Variants in PBX3 observed in about 807,000 individuals in gnomAD.
PBX3 encodes pre-B-cell leukemia transcription factor 3.
In PBX3, 14 loss-of-function variants were observed where a neutral mutation model predicts 48.5. That is an observed-to-expected ratio of 0.29 (90% CI 0.19 to 0.45). The LOEUF is 0.45. Ranked by LOEUF, PBX3 falls within the 20% of genes least tolerant of loss-of-function variation. The pLI is 1.00. For missense variants in PBX3, 386 were observed against 546.7 expected, an observed-to-expected ratio of 0.71 and a Z score of 2.93; for synonymous variants, 210 against 200.3, an observed-to-expected ratio of 1.05 and a Z score of -0.41.
At chr9:125,933,292 G>C (rs951593479) in intron 4 of PBX3, among the ~76,000 whole-genome samples, 1 of 152,182 alleles carries the variant, frequency 6.6e-6, no homozygotes, top group Non-Finnish European at 1.5e-5. Flanking sequence ...GACGAAGCAT[G>C]CACCAATGCA....
At chr9:125,808,041 TGATA>T (rs932841099) in intron 2 of PBX3, among the ~76,000 whole-genome samples, 63 of 152,312 alleles carry the variant, frequency 4.1e-4, no homozygotes, top group African/African-American at 1.1e-3. Flanking sequence ...TTATCTAGAT[TGATA>T]GATAGATAAA....
At chr9:125,918,905 C>T (rs1169467501) in intron 3 of PBX3, among the ~76,000 whole-genome samples, 2 of 152,000 alleles carry the variant, frequency 1.3e-5, no homozygotes, top group African/African-American at 2.4e-5. Flanking sequence ...CATGCTTTGG[C>T]GTTACAAGAA....
At chr9:125,778,403 G>A (rs1588136309) in intron 2 of PBX3, among the ~76,000 whole-genome samples, 1 of 151,956 alleles carries the variant, frequency 6.6e-6, no homozygotes, top group South Asian at 2.1e-4. Flanking sequence ...GATTACAGGC[G>A]CCTGCCACCA....
At chr9:125,862,764 G>C (rs1839891424) in intron 2 of PBX3, among the ~76,000 whole-genome samples, 1 of 152,178 alleles carries the variant, frequency 6.6e-6, no homozygotes, top group South Asian at 2.1e-4. Flanking sequence ...TGGAAACATG[G>C]ACATTGAGAA....
At chr9:125,870,051 G>T (rs1341470764) in intron 2 of PBX3, among the ~76,000 whole-genome samples, 6 of 146,620 alleles carry the variant, frequency 4.1e-5, no homozygotes, top group African/African-American at 1.3e-4. Context: ...TTTCTGAGAC[G>T]GTCTCAGTCT....
intron 2 of PBX3, among the ~76,000 whole-genome samples, chr9:125,787,625 C>G (rs1206136655): frequency 6.6e-6 from 1 of 152,002 alleles, no homozygotes; most frequent in African/African-American, 2.4e-5. Flanking sequence ...TTATAGGGGT[C>G]TGTTGCAAGA....
intron 2 of PBX3, among the ~76,000 whole-genome samples, chr9:125,885,454 T>G (rs1409677120): frequency 6.6e-6 from 1 of 152,144 alleles, no homozygotes; most frequent in Non-Finnish European, 1.5e-5. Flanking sequence ...CTGGTTCACT[T>G]TAAAGAGGAA....
intron 2 of PBX3, among the ~76,000 whole-genome samples, chr9:125,781,899 A>G (rs1387908891): frequency 6.6e-6 from 1 of 151,604 alleles, no homozygotes; most frequent in Non-Finnish European, 1.5e-5. Flanking sequence ...TTTCCTAAGT[A>G]TGTCCTATAC....
intron 2 of PBX3, among the ~76,000 whole-genome samples, chr9:125,884,113 C>T (rs1840444440): frequency 6.6e-6 from 1 of 152,130 alleles, no homozygotes; most frequent in African/African-American, 2.4e-5. Context: ...CTGGAGAAGA[C>T]CATGCCTGGA....
intron 5 of PBX3, among the ~76,000 whole-genome samples, chr9:125,954,223 A>G (rs1399914232): frequency 1.3e-5 from 2 of 152,224 alleles, no homozygotes; most frequent in Non-Finnish European, 2.9e-5. Flanking sequence ...TAAGAAATGC[A>G]TGTATGATGA....
chr9:125,821,216 G>A (rs1042290431), intron 2 of PBX3, among the ~76,000 whole-genome samples: 5 of 152,068 alleles, frequency 3.3e-5, no homozygotes, highest in African/African-American at 1.2e-4. Context: ...ATTTAAGAAT[G>A]TGTAAAACAT....
rs573089500 is a variant in PBX3, at chr9:125,831,427, G to GTT, written c.274+82816_274+82817dup. Among the ~76,000 whole-genome samples, 227 of 143,844 alleles carry GTT rather than the reference G, an allele frequency of 1.6e-3. 1 individual carries two copies. Among genetic ancestry groups the GTT allele is most frequent in the African/African-American group, 5.2e-3 (207 of 39,598 alleles). 94.4% of individuals were successfully genotyped at this position (143,844 alleles called of 152,430 possible). A position where few individuals can be genotyped will look rare whatever the true frequency, so the allele number is the denominator to read the frequency against. On this transcript the variant is annotated intron_variant, in intron 2 of 8. Coordinates refer to ENST00000373489, the MANE Select transcript of PBX3 (RefSeq NM_006195.6). ...TCTTTCTGTATTTATTAGCCAGAAT[G>GTT]TTTTTTTTTTTTTGAGATGGAGTCT...
chr9:125,853,837 TAA>T (rs1026878373), intron 2 of PBX3, among the ~76,000 whole-genome samples: 9 of 152,180 alleles, frequency 5.9e-5, no homozygotes. Context: ...AAATAATTCT[TAA>T]AATAAAACCC....
At chr9:125,830,235 C>A (rs1316993305) in intron 2 of PBX3, among the ~76,000 whole-genome samples, 1 of 151,720 alleles carries the variant, frequency 6.6e-6, no homozygotes, top group Non-Finnish European at 1.5e-5. Flanking sequence ...AAAAATATTG[C>A]CTTGCATGTT....
intron 2 of PBX3, among the ~76,000 whole-genome samples, chr9:125,832,861 A>G (rs751338764): frequency 1.3e-5 from 2 of 152,094 alleles, no homozygotes; most frequent in Non-Finnish European, 2.9e-5. Context: ...TTTTGGCCAC[A>G]CCTATCTATA....
intron 4 of PBX3, 93 bp from the exon 5 acceptor site, chr9:125,935,379 A>T: frequency 9.2e-7 from 1 of 1,091,320 alleles, no homozygotes; most frequent in Non-Finnish European, 1.3e-6. Flanking sequence ...TTAAAAAGAG[A>T]AATCTACTTT....
intron 2 of PBX3, among the ~76,000 whole-genome samples, chr9:125,874,172 CT>C (rs1344789537): frequency 2.6e-5 from 4 of 152,058 alleles, no homozygotes; most frequent in Admixed American, 2.6e-4. Flanking sequence ...TGTTCGTAAT[CT>C]TATAATCTTT....
intron 2 of PBX3, among the ~76,000 whole-genome samples, chr9:125,890,050 G>C (rs1564158401): frequency 6.6e-6 from 1 of 152,118 alleles, no homozygotes; most frequent in African/African-American, 2.4e-5. Flanking sequence ...CCCACTGCAA[G>C]TCAGAACCTC....
At chr9:125,821,430 T>A (rs1838651013) in intron 2 of PBX3, among the ~76,000 whole-genome samples, 1 of 152,108 alleles carries the variant, frequency 6.6e-6, no homozygotes, top group South Asian at 2.1e-4. Flanking sequence ...AAAGAAAGAA[T>A]CTTTTTTAAA....
Sources: allele counts gnomAD v4.1 joint callset (sites outside exome capture counted in the v4.1 genomes callset), GRCh38; gene constraint gnomAD v4.1.1; transcripts MANE v1.5; gene names NCBI Gene and HGNC (gene_info 2026-07-23, HGNC 2026-07-21).